The following SIK2 variants were observed in gnomAD, a reference collection of about 807,000 sequenced individuals.
The protein encoded by SIK2 is salt inducible kinase 2, also known as serine/threonine-protein kinase SIK2.
Under a neutral mutation model 103.2 loss-of-function variants are expected in SIK2, and 29 were observed. The observed-to-expected ratio is 0.28, with a 90% confidence interval of 0.21 to 0.38. SIK2 has a LOEUF of 0.38. SIK2 is among the 10% of genes least tolerant of loss of function. The pLI, the probability that SIK2 is intolerant of heterozygous loss-of-function variation, is 1.00. For synonymous variants in SIK2, 412 were observed against 446.1 expected, an observed-to-expected ratio of 0.92 and a Z score of 0.96; for missense variants, 879 against 1,171.0, an observed-to-expected ratio of 0.75 and a Z score of 3.64.
At chr11:111,645,014 G>A (rs1354663555) in intron 3 of SIK2, among the ~76,000 whole-genome samples, 3 of 152,180 alleles carry the variant, frequency 2.0e-5, no homozygotes, top group East Asian at 3.8e-4. Flanking sequence ...CAGGGGACAA[G>A]TCAGGCCAAC....
intron 3 of SIK2, among the ~76,000 whole-genome samples, chr11:111,660,225 A>C (rs539197855): frequency 2.6e-4 from 39 of 152,214 alleles, no homozygotes; most frequent in African/African-American, 9.1e-4. Flanking sequence ...CCATTTGTGA[A>C]GTTGGGATTG....
At chr11:111,624,363 C>T (rs1941932791) in intron 3 of SIK2, among the ~76,000 whole-genome samples, 1 of 152,168 alleles carries the variant, frequency 6.6e-6, no homozygotes, top group Admixed American at 6.5e-5. Context: ...TTTTAGCTAG[C>T]AGCATCTTGA....
chr11:111,708,136 C>T (rs1322264692), intron 8 of SIK2, among the ~76,000 whole-genome samples: 1 of 152,186 alleles, frequency 6.6e-6, no homozygotes, highest in Non-Finnish European at 1.5e-5. Flanking sequence ...AATCCCGGCG[C>T]TTTGGGAGGC....
chr11:111,705,176 G>A lies in SIK2; in HGVS notation c.1101+37G>A, dbSNP rs751593533. ...TTAGCTGAGAGTCTTATCTGTGCAT[G>A]TGCCTGTTCACATGTTTGATACATT... On this transcript the variant is annotated intron_variant, in intron 8 of 14. Coordinates refer to ENST00000304987, the MANE Select transcript of SIK2 (RefSeq NM_015191.3). This position sits in a 1 kb window ranked among gnomAD's most constrained non-coding sequence, Gnocchi z 4.3. 6.7e-7 allele frequency: 1 copy of A among 1,497,286 alleles called. No individual in the cohort carries two copies. Among genetic ancestry groups the A allele is most frequent in the South Asian group, 1.4e-5 (1 of 70,370 alleles). The allele number at this position is 1,497,286 out of a possible 1,614,324, so 92.8% of individuals were successfully genotyped here.
At position 111,723,991 on chromosome 11, in the gene SIK2, C is replaced by G. The variant is rs1423850663; in HGVS notation, c.2643C>G (p.Asp881Glu). The change falls in exon 15 of 15, where the codon GAC (aspartate) becomes GAG (glutamate). Residue 881 changes from aspartate (D) to glutamate (E), a missense_variant. Asp to Glu is a conservative substitution (Grantham distance 45). Around this residue, in one of 7 missense-constraint regions of SIK2, gnomAD observed 375 missense variants for 416.3 expected, o/e 0.90. Transcript: ENST00000304987. Reference sequence around the variant, plus strand: ...AGCAGAGCGACCTAACGGGGCCAGACTGTCCCAGAAGCCCAGGACTGCAAG... The same window carrying G: ...AGCAGAGCGACCTAACGGGGCCAGAGTGTCCCAGAAGCCCAGGACTGCAAG... Reference protein sequence around the residue: ...GAQQSDLTGPDCPRSPGLQEA... With the variant: ...GAQQSDLTGPECPRSPGLQEA... 1 of 1,614,214 alleles carries G rather than the reference C, an allele frequency of 6.2e-7. No individual in the cohort carries two copies. The highest frequency in any genetic ancestry group is 1.7e-5 in the Admixed American group (1 of 60,026).
rs73557002 is a variant in SIK2 at position 111,628,860 on chromosome 11, C to T, written c.316+8458C>T. On this transcript the variant is annotated intron_variant, in intron 3 of 14. Coordinates refer to ENST00000304987, the MANE Select transcript of SIK2 (RefSeq NM_015191.3). ...GAATCTCTTGGATTCTTCCCCTATC[C>T]CTATATGTAAGAGGCATATTTTAGA... is the stretch of plus-strand genomic sequence containing the variant. 4.8e-3 allele frequency among the ~76,000 whole-genome samples: 736 copies of T among 152,014 alleles called. 5 individuals are homozygous for T. The highest frequency in any genetic ancestry group is 0.017 in the African/African-American group (709 of 41,428).
intron 3 of SIK2, among the ~76,000 whole-genome samples, chr11:111,681,346 G>C (rs1591613462): frequency 6.6e-6 from 1 of 152,158 alleles, no homozygotes; most frequent in Non-Finnish European, 1.5e-5. Context: ...CTCTTGACTG[G>C]GGTAATGAAA....
At chr11:111,644,284 T>A in intron 3 of SIK2, among the ~76,000 whole-genome samples, 1 of 107,610 alleles carries the variant, frequency 9.3e-6, no homozygotes, top group East Asian at 2.6e-4. Context: ...CGAGACTCCA[T>A]CTCAAAAAAA....
intron 3 of SIK2, among the ~76,000 whole-genome samples, chr11:111,677,716 A>G (rs1379504862): frequency 6.6e-6 from 1 of 150,452 alleles, no homozygotes; most frequent in Non-Finnish European, 1.5e-5. Flanking sequence ...GGCTTGAGCC[A>G]CCACGCCCAG....
At position 111,720,964 on chromosome 11, in the gene SIK2, A is replaced by G; in HGVS notation, c.1846A>G (p.Lys616Glu). 6.2e-7 allele frequency: 1 copy of G among 1,614,210 alleles called. No homozygotes were observed. ...AACCAAAGGAATTCTAGAGTTGAAC[A>G]AAGTGCAGTTGTTGTATGAACAAAT... Reference protein sequence around the residue: ...ARTKGILELNKVQLLYEQIGP... With the variant: ...ARTKGILELNEVQLLYEQIGP... The change falls in exon 12 of 15, where the codon AAA becomes GAA. Residue 616 changes from lysine (K) to glutamate (E), a missense_variant. Lys to Glu is a moderately conservative substitution (Grantham distance 56). Around this residue, in one of 7 missense-constraint regions of SIK2, gnomAD observed 375 missense variants for 416.3 expected, o/e 0.90. Transcript: ENST00000304987.
intron 4 of SIK2, among the ~76,000 whole-genome samples, chr11:111,698,669 C>G (rs1273725311): frequency 6.6e-6 from 1 of 152,166 alleles, no homozygotes; most frequent in Non-Finnish European, 1.5e-5. Flanking sequence ...TGAGATCGTG[C>G]CATTGCACTC....
At position 111,726,824 on chromosome 11, in the gene SIK2, A is replaced by G; in HGVS notation, c.*2695A>G. 1 of 722,998 alleles carries G rather than the reference A, an allele frequency of 1.4e-6. No individual in the cohort carries two copies. The highest frequency in any genetic ancestry group is 1.7e-5 in the South Asian group (1 of 57,476). The allele number at this position is 722,998 out of a possible 1,614,324, so 44.8% of individuals were successfully genotyped here. ...TTAGCAGTGTGTACACTACTGTATCATCATCAGCTTCATCACCCTGTAAAC... is the reference window on the plus strand; with the variant it reads ...TTAGCAGTGTGTACACTACTGTATCGTCATCAGCTTCATCACCCTGTAAAC... On this transcript the variant is annotated 3_prime_UTR_variant, in exon 15 of 15. Transcript: ENST00000304987.
At chr11:111,666,496 T>TAC (rs1942544301) in intron 3 of SIK2, among the ~76,000 whole-genome samples, 1 of 152,234 alleles carries the variant, frequency 6.6e-6, no homozygotes, top group Non-Finnish European at 1.5e-5. Flanking sequence ...GTTTAGGCTG[T>TAC]TGCTAGCCAT....
chr11:111,702,526 A>G (rs189274314), intron 6 of SIK2, among the ~76,000 whole-genome samples: 4 of 152,300 alleles, frequency 2.6e-5, no homozygotes, highest in African/African-American at 4.8e-5. Context: ...CTGTGATTGC[A>G]TTACTGCACT....
In SIK2 at chr11:111,612,071, C is replaced by G. The variant is rs1941734852; in HGVS notation, c.136-4172C>G. Among the ~76,000 whole-genome samples the G allele has an allele frequency of 2.0e-5, 3 of 151,960 alleles. No individual in the cohort carries two copies. The South Asian group carries it at 6.2e-4, about 32-fold the overall frequency. ...ATCAAATCTCATTCATTTTTATATCCCAGGCATAATTCCTGGCACACAACA... is the reference window on the plus strand; with the variant it reads ...ATCAAATCTCATTCATTTTTATATCGCAGGCATAATTCCTGGCACACAACA... On this transcript the variant is annotated intron_variant, in intron 1 of 14. Coordinates refer to ENST00000304987, the MANE Select transcript of SIK2 (RefSeq NM_015191.3).
intron 3 of SIK2, among the ~76,000 whole-genome samples, chr11:111,641,570 C>T (rs1942183534): frequency 6.6e-6 from 1 of 152,106 alleles, no homozygotes; most frequent in Non-Finnish European, 1.5e-5. Context: ...TTTTCATTGC[C>T]TTAACCCTAA....
chr11:111,722,386 A>C lies in SIK2; in HGVS notation c.2056-279A>C, dbSNP rs1172421146. Among the ~76,000 whole-genome samples, 2 of 152,182 alleles carry C rather than the reference A, an allele frequency of 1.3e-5. No individual in the cohort carries two copies. The highest frequency in any genetic ancestry group is 4.8e-5 in the African/African-American group (2 of 41,446). Reference sequence around the variant, plus strand: ...CTGGGGCCTTTGCTCTCAAGATCTAACTCCACCTTTCTCATTGCTTTTTAA... The same window carrying C: ...CTGGGGCCTTTGCTCTCAAGATCTACCTCCACCTTTCTCATTGCTTTTTAA... On this transcript the variant is annotated intron_variant, in intron 13 of 14. Coordinates refer to ENST00000304987, the MANE Select transcript of SIK2 (RefSeq NM_015191.3). This position sits in a 1 kb window ranked among gnomAD's most constrained non-coding sequence, Gnocchi z 4.4.
intron 3 of SIK2, among the ~76,000 whole-genome samples, chr11:111,657,933 C>T (rs1002499598): frequency 2.6e-5 from 4 of 152,076 alleles, no homozygotes; most frequent in African/African-American, 9.7e-5. Context: ...ATACGTCATG[C>T]AGGTTCAGTA....
intron 1 of SIK2, among the ~76,000 whole-genome samples, chr11:111,612,273 C>T (rs920698344): frequency 6.6e-6 from 1 of 152,144 alleles, no homozygotes; most frequent in Admixed American, 6.5e-5. Context: ...GTTTCATTTA[C>T]TTCACAGAAT....
Sources: allele counts gnomAD v4.1 joint callset (sites outside exome capture counted in the v4.1 genomes callset), GRCh38; gene constraint gnomAD v4.1.1; regional missense constraint gnomAD v4.1.1; non-coding constraint Gnocchi (gnomAD v3.1); transcripts MANE v1.5; gene names NCBI Gene and HGNC (gene_info 2026-07-23, HGNC 2026-07-21).